Variants in PARP11 observed in about 807,000 individuals in gnomAD.
The protein encoded by PARP11 is protein mono-ADP-ribosyltransferase PARP11.
In PARP11, 31 loss-of-function variants were observed where a neutral mutation model predicts 42.9. The observed-to-expected ratio is 0.72, with a 90% CI of 0.54 to 0.98. The LOEUF (loss-of-function observed/expected upper bound fraction) is 0.98, where lower values mean the gene tolerates loss of function less well. Ranked by LOEUF, PARP11 falls within the 50% of genes least tolerant of loss-of-function variation. The probability of loss-of-function intolerance (pLI) is 0.00; values close to 1 mark genes in which losing one functional copy is unlikely to be tolerated. For synonymous variants in PARP11, 137 were observed against 127.3 expected (o/e 1.08, Z -0.51); for missense variants, 365 against 413.1 (o/e 0.88, Z 1.01).
intron 6 of PARP11, 71 bp from the exon 7 acceptor site, chr12:3,814,259 T>G: frequency 7.9e-7 from 1 of 1,263,436 alleles, no homozygotes; most frequent in Non-Finnish European, 1.1e-6. Context: ...TTAATCTTAA[T>G]GAGCAAGGTT....
In PARP11 at chr12:3,840,430, C is replaced by T; in HGVS notation, c.19-10412G>A. The T allele has an allele frequency of 1.9e-6, 3 of 1,613,404 alleles. No individual in the cohort carries two copies. In the South Asian group the frequency reaches 3.3e-5, roughly 18 times the overall value. On this transcript the variant is annotated intron_variant, in intron 1 of 7. Coordinates refer to ENST00000228820, the MANE Select transcript of PARP11 (RefSeq NM_020367.6). The surrounding 1 kb of genome is among the most constrained non-coding windows in gnomAD (Gnocchi z 4.4). ...GCCAATAAAAGCCCCATTAGCACTACCTCCTCGACTGCAGCATCCTTCAGG... is the reference window on the plus strand; with the variant it reads ...GCCAATAAAAGCCCCATTAGCACTATCTCCTCGACTGCAGCATCCTTCAGG...
At chr12:3,870,770 T>C (rs186669008) in intron 1 of PARP11, among the ~76,000 whole-genome samples, 1 of 152,308 alleles carries the variant, frequency 6.6e-6, no homozygotes, top group East Asian at 1.9e-4. Flanking sequence ...GTAAGACATA[T>C]ACTTGGGTGG....
intron 1 of PARP11, chr12:3,841,011 T>A: frequency 6.3e-7 from 1 of 1,592,200 alleles, no homozygotes; most frequent in Non-Finnish European, 8.6e-7. Flanking sequence ...CTGCTCCAAT[T>A]CCTGGTCGGT....
intron 6 of PARP11, among the ~76,000 whole-genome samples, chr12:3,820,185 G>A (rs530253786): frequency 8.2e-4 from 125 of 152,334 alleles, no homozygotes; most frequent in African/African-American, 2.9e-3. Context: ...AACAGTGCTT[G>A]TCATAAAGTA....
At chr12:3,815,568 G>A (rs1282853476) in intron 6 of PARP11, among the ~76,000 whole-genome samples, 1 of 152,016 alleles carries the variant, frequency 6.6e-6, no homozygotes, top group African/African-American at 2.4e-5. Context: ...GAATCTGCTG[G>A]ATACTTTCTA....
intron 1 of PARP11, among the ~76,000 whole-genome samples, chr12:3,830,975 G>A (rs1342379799): frequency 1.3e-5 from 2 of 152,158 alleles, no homozygotes; most frequent in Admixed American, 1.3e-4. Flanking sequence ...GTTGGGTATT[G>A]TAATGAAGAA....
intron 1 of PARP11, among the ~76,000 whole-genome samples, chr12:3,859,313 C>T (rs1208101083): frequency 6.6e-6 from 1 of 151,762 alleles, no homozygotes; most frequent in East Asian, 1.9e-4. Flanking sequence ...GTCTGTAATC[C>T]TAGCACTTTG....
In PARP11 at chr12:3,861,882, A is replaced by G. The variant is rs1433225821; in HGVS notation, c.18+11330T>C. On this transcript the variant is annotated intron_variant, in intron 1 of 7. Coordinates refer to ENST00000228820, the MANE Select transcript of PARP11 (RefSeq NM_020367.6). This position sits in a 1 kb window ranked among gnomAD's most constrained non-coding sequence, Gnocchi z 4.6. ...TACCAAAAATACAAAAAAATTAGCC[A>G]GGCGTGGTGGAGGGTGCCTATAGTC... Among the ~76,000 whole-genome samples the G allele has an allele frequency of 1.3e-5, 2 of 152,192 alleles. No individual in the cohort carries two copies. The highest frequency in any genetic ancestry group is 3.9e-4 in the East Asian group (2 of 5,154).
chr12:3,838,321 TG>T (rs1565540848), intron 1 of PARP11, among the ~76,000 whole-genome samples: 1 of 151,624 alleles, frequency 6.6e-6, no homozygotes, highest in African/African-American at 2.4e-5. Flanking sequence ...CACAAAAACA[TG>T]GAAATTAAAC....
intron 1 of PARP11, among the ~76,000 whole-genome samples, chr12:3,854,653 C>T (rs1425852447): frequency 6.6e-6 from 1 of 151,962 alleles, no homozygotes; most frequent in Admixed American, 6.6e-5. Context: ...AATAGCCTAC[C>T]AACCAAAAAA....
chr12:3,839,989 G>A (rs1159836642), intron 1 of PARP11: 6 of 1,549,138 alleles, frequency 3.9e-6, no homozygotes, highest in African/African-American at 2.7e-5. Flanking sequence ...GTCAGGCAAC[G>A]AGCAGCTGAA....
chr12:3,835,374 TTA>T (rs1947738304), intron 1 of PARP11, among the ~76,000 whole-genome samples: 1 of 110,314 alleles, frequency 9.1e-6, no homozygotes, highest in South Asian at 4.6e-4. Flanking sequence ...TATATCACTG[TTA>T]TATACACATA....
intron 1 of PARP11, chr12:3,872,411 G>T: frequency 2.3e-6 from 1 of 433,334 alleles, no homozygotes; most frequent in Non-Finnish European, 3.1e-6. Flanking sequence ...AATGGGTGGT[G>T]AGGAAAGGTA....
chr12:3,812,773 T>C (rs1947209676), intron 7 of PARP11, among the ~76,000 whole-genome samples: 1 of 152,142 alleles, frequency 6.6e-6, no homozygotes. Context: ...ACTGGTTTAA[T>C]GATTAAAAGT....
Position 3,826,360 on chromosome 12 carries a change from T to C in PARP11, c.269-127A>G, listed in dbSNP as rs1042387638. ...GAGCTTCGGGAGTAGCTGGCAAGCA[T>C]AGTGTATTATGGGTACTTTACCATG... On this transcript the variant is annotated intron_variant, in intron 3 of 7. Transcript: ENST00000228820. The C allele has an allele frequency of 9.0e-5, 54 of 603,234 alleles. 1 individual carries two copies. The highest frequency in any genetic ancestry group is 7.5e-4 in the African/African-American group (40 of 53,460). 37.4% of individuals were successfully genotyped at this position (603,234 alleles called of 1,614,324 possible). A position where few individuals can be genotyped will look rare whatever the true frequency, so the allele number is the denominator to read the frequency against.
intron 1 of PARP11, among the ~76,000 whole-genome samples, chr12:3,850,473 G>A (rs978316652): frequency 6.6e-6 from 1 of 152,068 alleles, no homozygotes; most frequent in Admixed American, 6.6e-5. Context: ...AGGGAAAAAA[G>A]ACTTTCCCAG....
chr12:3,813,517 C>G (rs916154085), intron 7 of PARP11, among the ~76,000 whole-genome samples: 1 of 152,204 alleles, frequency 6.6e-6, no homozygotes, highest in Non-Finnish European at 1.5e-5. Flanking sequence ...TCATATTTAC[C>G]TAACACTGAT....
In PARP11 at chr12:3,840,798, AAC is replaced by A. The variant is rs777814557; in HGVS notation, c.19-10782_19-10781del. On this transcript the variant is annotated intron_variant, in intron 1 of 7. Transcript: ENST00000228820. The surrounding 1 kb of genome is among the most constrained non-coding windows in gnomAD (Gnocchi z 4.4). Reference sequence around the variant, plus strand: ...AGAATATTACTGATGATAAATATGCAACAGTTTCATCACCATCAAAGTCAAAG... The same window carrying A: ...AGAATATTACTGATGATAAATATGCAAGTTTCATCACCATCAAAGTCAAAG... 2.3e-5 allele frequency: 36 copies of A among 1,585,990 alleles called. No homozygotes were observed. The highest frequency in any genetic ancestry group is 2.8e-5 in the Non-Finnish European group (32 of 1,154,544).
chr12:3,858,199 A>G (rs1337964821), intron 1 of PARP11, among the ~76,000 whole-genome samples: 1 of 152,268 alleles, frequency 6.6e-6, no homozygotes, highest in East Asian at 1.9e-4. Flanking sequence ...AGTAAGCTGG[A>G]AGAAGTGAAT....
Sources: allele counts gnomAD v4.1 joint callset (sites outside exome capture counted in the v4.1 genomes callset), GRCh38; gene constraint gnomAD v4.1.1; non-coding constraint Gnocchi (gnomAD v3.1); transcripts MANE v1.5; gene names NCBI Gene and HGNC (gene_info 2026-07-23, HGNC 2026-07-21).